Variants in NFKBIZ observed in about 807,000 individuals in gnomAD.
NFKBIZ encodes the protein NF-kappa-B inhibitor zeta.
NFKBIZ carries 19 observed loss-of-function variants against 76.8 expected under a neutral mutation model. The observed-to-expected ratio is 0.25, with a 90% CI of 0.17 to 0.36. NFKBIZ has a LOEUF of 0.36. Ranked by LOEUF, NFKBIZ falls within the 10% of genes least tolerant of loss-of-function variation. The pLI, the probability that NFKBIZ is intolerant of heterozygous loss-of-function variation, is 1.00. For synonymous variants in NFKBIZ, 368 were observed against 354.8 expected (o/e 1.04, Z -0.42); for missense variants, 829 against 910.9 (o/e 0.91, Z 1.16).
intron 5 of NFKBIZ, 140 bp downstream of exon 5, chr3:101,854,003 C>T (rs1294349687): frequency 2.4e-5 from 20 of 818,480 alleles, no homozygotes; most frequent in South Asian, 1.3e-4. Context: ...AGATAGAAAC[C>T]GCCACTCAGT....
chr3:101,844,472 T>C (rs550209885), intron 2 of NFKBIZ, among the ~76,000 whole-genome samples: 1 of 152,338 alleles, frequency 6.6e-6, no homozygotes, highest in Non-Finnish European at 1.5e-5. Flanking sequence ...CCCATTGCTT[T>C]TGTACCATCA....
chr3:101,850,580 C>A (rs938508543), intron 1 of NFKBIZ, among the ~76,000 whole-genome samples: 3 of 152,168 alleles, frequency 2.0e-5, no homozygotes, highest in Non-Finnish European at 4.4e-5. Context: ...TGTTATCTTT[C>A]ATGGGCTGCG....
chr3:101,841,345 A>T (rs1024523979), intron 2 of NFKBIZ, among the ~76,000 whole-genome samples: 1 of 152,224 alleles, frequency 6.6e-6, no homozygotes, highest in Non-Finnish European at 1.5e-5. Flanking sequence ...GAAGTATATA[A>T]GTGCCAGTAG....
At chr3:101,850,143 G>A (rs1050832371) in intron 1 of NFKBIZ, 33 of 420,722 alleles carry the variant, frequency 7.8e-5, no homozygotes, top group Non-Finnish European at 1.2e-4. Context: ...GCCTCGGGGG[G>A]GCTTCAGAAA....
chr3:101,842,777 AGGATGGGTTTTAAGTGGGCAAGGCT>A (rs1346344353), intron 2 of NFKBIZ, among the ~76,000 whole-genome samples: 2 of 151,430 alleles, frequency 1.3e-5, no homozygotes, highest in African/African-American at 2.4e-5. Flanking sequence ...GGCAGTCTGG[AGGATGGGTTTTAAGTGGGCAAGGCT>A]GGATGGGTGA....
intron 11 of NFKBIZ, among the ~76,000 whole-genome samples, chr3:101,859,037 A>T (rs1943096985): frequency 6.6e-6 from 1 of 152,178 alleles, no homozygotes; most frequent in African/African-American, 2.4e-5. Context: ...TATAGGTGTT[A>T]AGTTTATGGA....
chr3:101,834,507 C>G (rs1462425398), intron 2 of NFKBIZ, among the ~76,000 whole-genome samples: 4 of 152,018 alleles, frequency 2.6e-5, no homozygotes, highest in Admixed American at 2.6e-4. Flanking sequence ...ACTACAGGCA[C>G]CCGCCACCAC....
At position 101,854,500 on chromosome 3, in the gene NFKBIZ, G is replaced by GT. The variant is rs202097473; in HGVS notation, c.1338-78_1338-77insT. The GT allele has an allele frequency of 4.8e-3, 3,949 of 824,578 alleles. 114 individuals carry two copies. The African/African-American group carries it at 0.06, about 13-fold the overall frequency. The allele number at this position is 824,578 out of a possible 1,614,324, so 51.1% of individuals were successfully genotyped here. ...ATATATAAAAAGGGGGCTAAAGGAA[G>GT]ATTTTTTTTTTTTTTTCAAAAGAAC... is the stretch of plus-strand genomic sequence containing the variant. On this transcript the variant is annotated intron_variant, in intron 5 of 11. Transcript: ENST00000326172.
upstream of NFKBIZ, chr3:101,849,501 C>A (rs965263094): frequency 2.5e-6 from 2 of 815,368 alleles, no homozygotes; most frequent in Non-Finnish European, 3.3e-6. Context: ...CCTGGCAGTC[C>A]CGCGCCGCGC....
At chr3:101,857,269 A>G (rs1452289536) in intron 10 of NFKBIZ, 23 bp from the exon 11 acceptor site, 2 of 1,613,622 alleles carry the variant, frequency 1.2e-6, no homozygotes, top group Middle Eastern at 1.6e-4. Context: ...CTGATGTCTG[A>G]TAATTCATTT....
chr3:101,849,704 A>G lies in NFKBIZ; in HGVS notation c.76A>G (p.Met26Val). 4 of 1,419,378 alleles carry G rather than the reference A, an allele frequency of 2.8e-6. No homozygotes were observed. The highest frequency in any genetic ancestry group is 2.9e-5 in the South Asian group (2 of 68,750). 87.9% of individuals were successfully genotyped at this position (1,419,378 alleles called of 1,614,324 possible). The change falls in exon 1 of 12, where the codon ATG becomes GTG. Residue 26 changes from methionine to valine, a missense_variant. This residue lies in a region of NFKBIZ where 181 missense variants were observed against 175.3 expected (regional missense o/e 1.03). Transcript: ENST00000326172. Reference protein sequence around the residue: ...LRDAAGGCGLMTSPLNLSYFY... With the variant: ...LRDAAGGCGLVTSPLNLSYFY... ...GGACGCGGCGGGCGGCTGCGGCCTC[A>G]TGACCAGCCCGCTCAACCTGAGCTA...
At chr3:101,855,002 A>C (rs1450611789) in intron 6 of NFKBIZ, 60 bp from the exon 7 acceptor site, 15 of 1,510,126 alleles carry the variant, frequency 9.9e-6, no homozygotes, top group Non-Finnish European at 1.3e-5. Flanking sequence ...TTAGTTTCAT[A>C]TTCCTTGTTA....
intron 1 of NFKBIZ, among the ~76,000 whole-genome samples, chr3:101,829,336 C>T (rs773893217): frequency 2.7e-4 from 41 of 152,082 alleles, no homozygotes; most frequent in Non-Finnish European, 4.9e-4. Context: ...AGGTGATGAC[C>T]GAGGTCAGCA....
intron 2 of NFKBIZ, among the ~76,000 whole-genome samples, chr3:101,843,991 ACT>A (rs1365818675): frequency 6.6e-6 from 1 of 152,250 alleles, no homozygotes; most frequent in Non-Finnish European, 1.5e-5. Flanking sequence ...GGCAACAAAT[ACT>A]GTTATTTTCC....
intron 1 of NFKBIZ, among the ~76,000 whole-genome samples, chr3:101,828,545 A>G (rs1942592068): frequency 6.6e-6 from 1 of 152,188 alleles, no homozygotes; most frequent in African/African-American, 2.4e-5. Flanking sequence ...GAAGTCTCCC[A>G]GGAGATTTGA....
intron 9 of NFKBIZ, 200 bp from the exon 10 acceptor site, chr3:101,856,872 AT>A: frequency 1.9e-6 from 1 of 514,082 alleles, no homozygotes; most frequent in Non-Finnish European, 3.5e-6. Flanking sequence ...CAAGAGGCAT[AT>A]AGACAAATTA....
intron 2 of NFKBIZ, among the ~76,000 whole-genome samples, chr3:101,837,511 A>T (rs559214964): frequency 2.1e-4 from 32 of 151,684 alleles, no homozygotes; most frequent in Middle Eastern, 3.4e-3. Flanking sequence ...AAAAAAAAGA[A>T]AAGAAAAAAG....
At chr3:101,829,629 C>T (rs1254529055) in exon 2 of NFKBIZ, 2 of 152,040 alleles carry the variant, frequency 1.3e-5, no homozygotes, top group East Asian at 1.9e-4. Context: ...AGGAAGATCT[C>T]GAGGGCCCTG....
intron 11 of NFKBIZ, chr3:101,858,344 T>C (rs1430424640): frequency 1.0e-6 from 1 of 969,780 alleles, no homozygotes; most frequent in South Asian, 4.8e-5. Flanking sequence ...TATCATTTAA[T>C]AGTTAGAAGA....
Sources: allele counts gnomAD v4.1 joint callset (sites outside exome capture counted in the v4.1 genomes callset), GRCh38; gene constraint gnomAD v4.1.1; regional missense constraint gnomAD v4.1.1; transcripts MANE v1.5; gene names NCBI Gene and HGNC (gene_info 2026-07-23, HGNC 2026-07-21).